AMPH: variants seen among roughly 807,000 people sequenced by gnomAD.
AMPH encodes the protein amphiphysin.
AMPH carries 49 observed loss-of-function variants against 99.1 expected under a neutral mutation model. That is an observed-to-expected ratio of 0.49 (90% CI 0.39 to 0.63). AMPH has a LOEUF of 0.63. Among genes scored for constraint, AMPH ranks in the 20% least tolerant of loss-of-function variants. The pLI, the probability that AMPH is intolerant of heterozygous loss-of-function variation, is 0.00. For missense variants in AMPH, 759 were observed against 863.4 expected, an observed-to-expected ratio of 0.88 and a Z score of 1.52; for synonymous variants, 314 against 317.3, an observed-to-expected ratio of 0.99 and a Z score of 0.11.
chr7:38,571,876 C>G (rs1202717878), intron 1 of AMPH, among the ~76,000 whole-genome samples: 2 of 151,128 alleles, frequency 1.3e-5, no homozygotes, highest in South Asian at 4.2e-4. Flanking sequence ...CCTGCAAGCT[C>G]CATTCATGAT....
At chr7:38,576,959 A>G (rs1014044402) in intron 1 of AMPH, among the ~76,000 whole-genome samples, 11 of 152,162 alleles carry the variant, frequency 7.2e-5, no homozygotes, top group Admixed American at 6.5e-5. Flanking sequence ...TAATACATCT[A>G]GGGCTCATGA....
chr7:38,494,579 C>A, intron 3 of AMPH, 52 bp from the exon 4 acceptor site: 1 of 1,500,008 alleles, frequency 6.7e-7, no homozygotes. Flanking sequence ...TGAGGATTCT[C>A]TTCTCCCTTC....
At chr7:38,478,447 T>C (rs1320845507) in intron 5 of AMPH, among the ~76,000 whole-genome samples, 3 of 152,204 alleles carry the variant, frequency 2.0e-5, no homozygotes, top group East Asian at 3.9e-4. Context: ...TCCTGATTAA[T>C]TGATTCCAAC....
chr7:38,572,961 C>T (rs1792106348), intron 1 of AMPH, among the ~76,000 whole-genome samples: 2 of 152,162 alleles, frequency 1.3e-5, no homozygotes, highest in Non-Finnish European at 2.9e-5. Context: ...GCAAAAAGCG[C>T]CTTACTGTAC....
intron 1 of AMPH, among the ~76,000 whole-genome samples, chr7:38,548,356 T>C (rs1271360114): frequency 6.6e-6 from 1 of 152,170 alleles, no homozygotes; most frequent in African/African-American, 2.4e-5. Context: ...GAGGGAGGTA[T>C]GCAGCCTTTT....
intron 18 of AMPH, among the ~76,000 whole-genome samples, chr7:38,392,374 G>GTTTTT (rs1562722574): frequency 4.4e-5 from 4 of 90,148 alleles, no homozygotes; most frequent in African/African-American, 8.9e-5. Context: ...GGCCGGCCTG[G>GTTTTT]TTCTTTTTTT....
intron 4 of AMPH, among the ~76,000 whole-genome samples, chr7:38,492,909 G>C (rs1788781108): frequency 3.3e-5 from 5 of 152,142 alleles, no homozygotes; most frequent in Admixed American, 3.3e-4. Context: ...AAAGTATTTA[G>C]CAACATGATG....
intron 11 of AMPH, among the ~76,000 whole-genome samples, chr7:38,442,716 A>G (rs1004903246): frequency 6.6e-6 from 1 of 152,198 alleles, no homozygotes; most frequent in Non-Finnish European, 1.5e-5. Flanking sequence ...GAAAATTTAT[A>G]GCACTAAACT....
intron 20 of AMPH, among the ~76,000 whole-genome samples, chr7:38,385,185 A>G (rs1323445137): frequency 6.6e-6 from 1 of 152,236 alleles, no homozygotes; most frequent in Non-Finnish European, 1.5e-5. Flanking sequence ...TGCTTTGTAC[A>G]TTGTGACTGT....
At chr7:38,534,395 G>A (rs1041268252) in intron 2 of AMPH, among the ~76,000 whole-genome samples, 6 of 152,174 alleles carry the variant, frequency 3.9e-5, no homozygotes, top group South Asian at 2.1e-4. Flanking sequence ...GTCGGAGACC[G>A]GGCCTGGTAG....
chr7:38,494,598 T>C (rs1788857053), intron 3 of AMPH, 71 bp from the exon 4 acceptor site: 1 of 1,380,890 alleles, frequency 7.2e-7, no homozygotes, highest in African/African-American at 1.4e-5. Context: ...TCCTCCACTT[T>C]CTTAAGTGAG....
rs1297587668 is a variant in AMPH at position 38,495,953 on chromosome 7, A to C, written c.206-1426T>G. 2.0e-5 allele frequency among the ~76,000 whole-genome samples: 3 copies of C among 152,072 alleles called. 1 individual carries two copies. Among genetic ancestry groups the C allele is most frequent in the East Asian group, 3.9e-4 (2 of 5,176 alleles). ...GACAGCTCATGGCTGAGAGCAAAAC[A>C]AGGGGCCAGGAAGAGCTGGGGACTT... On this transcript the variant is annotated intron_variant, in intron 3 of 20. Transcript: ENST00000356264.
intron 16 of AMPH, among the ~76,000 whole-genome samples, chr7:38,422,109 T>G (rs1457168288): frequency 6.6e-6 from 1 of 152,208 alleles, no homozygotes; most frequent in Admixed American, 6.5e-5. Context: ...ACAATTTCAC[T>G]TTAAATACTG....
At chr7:38,493,788 T>C (rs746306682) in intron 4 of AMPH, among the ~76,000 whole-genome samples, 1 of 152,096 alleles carries the variant, frequency 6.6e-6, no homozygotes, top group Non-Finnish European at 1.5e-5. Context: ...AATAGGGGGA[T>C]TGAGATGAAC....
At chr7:38,452,315 T>G (rs1160646878) in intron 11 of AMPH, among the ~76,000 whole-genome samples, 1 of 152,250 alleles carries the variant, frequency 6.6e-6, no homozygotes, top group Non-Finnish European at 1.5e-5. Flanking sequence ...TATTGCTATA[T>G]GTGTCAGAGA....
chr7:38,496,701 C>T (rs970087099), intron 3 of AMPH, among the ~76,000 whole-genome samples: 1 of 152,150 alleles, frequency 6.6e-6, no homozygotes, highest in African/African-American at 2.4e-5. Flanking sequence ...CAAGTACAAG[C>T]AAATCTCTAT....
chr7:38,451,396 A>G (rs1169675970), intron 11 of AMPH, among the ~76,000 whole-genome samples: 1 of 151,130 alleles, frequency 6.6e-6, no homozygotes, highest in Non-Finnish European at 1.5e-5. Flanking sequence ...ATATATACAT[A>G]TACGTGTGTA....
In AMPH at chr7:38,431,464, T is replaced by C. The variant is rs912523461; in HGVS notation, c.1158+725A>G. On this transcript the variant is annotated intron_variant, in intron 13 of 20. Coordinates refer to ENST00000356264, the MANE Select transcript of AMPH (RefSeq NM_001635.4). ...CAAGGTCAGCAGATCGAGACCATCC[T>C]GGCTAACACGGTGAAACCCCATCTC... is the stretch of plus-strand genomic sequence containing the variant. Among the ~76,000 whole-genome samples the C allele has an allele frequency of 2.0e-5, 3 of 152,130 alleles. No individual in the cohort carries two copies. In the East Asian group the frequency reaches 5.8e-4, roughly 29 times the overall value.
intron 17 of AMPH, among the ~76,000 whole-genome samples, chr7:38,394,914 A>G (rs1321156812): frequency 6.6e-6 from 1 of 152,212 alleles, no homozygotes; most frequent in Non-Finnish European, 1.5e-5. Context: ...CCCTTTAAAT[A>G]CTGAAGTTCT....
Sources: allele counts gnomAD v4.1 joint callset (sites outside exome capture counted in the v4.1 genomes callset), GRCh38; gene constraint gnomAD v4.1.1; transcripts MANE v1.5; gene names NCBI Gene and HGNC (gene_info 2026-07-23, HGNC 2026-07-21).